The following SEMA6D variants were observed in gnomAD, a reference collection of about 807,000 sequenced individuals.
SEMA6D encodes semaphorin-6D.
In SEMA6D, 35 loss-of-function variants were observed where a neutral mutation model predicts 106.6. The ratio of observed to expected loss-of-function variants is 0.33; its 90% CI spans 0.25 to 0.44. SEMA6D has a LOEUF of 0.44. SEMA6D is among the 20% of genes least tolerant of loss of function. The pLI is 1.00. For synonymous variants in SEMA6D, 499 were observed against 487.7 expected, an observed-to-expected ratio of 1.02 and a Z score of -0.31; for missense variants, 1,185 against 1,345.9, an observed-to-expected ratio of 0.88 and a Z score of 1.87.
At chr15:47,539,433 T>C (rs1295705467) in intron 3 of SEMA6D, among the ~76,000 whole-genome samples, 1 of 152,018 alleles carries the variant, frequency 6.6e-6, no homozygotes, top group Non-Finnish European at 1.5e-5. Flanking sequence ...GTTTGTTTGT[T>C]TTGTTTTGTT....
intron 1 of SEMA6D, among the ~76,000 whole-genome samples, chr15:47,227,579 A>T (rs902427293): frequency 2.7e-5 from 4 of 146,282 alleles, no homozygotes; most frequent in East Asian, 2.0e-4. Flanking sequence ...TCACACACAC[A>T]CACACACACA....
intron 4 of SEMA6D, among the ~76,000 whole-genome samples, chr15:47,653,707 C>A (rs2077736738): frequency 6.6e-6 from 1 of 152,228 alleles, no homozygotes; most frequent in Admixed American, 6.5e-5. Flanking sequence ...CTTGCCCATG[C>A]AACAATAATG....
At chr15:47,768,859 G>C in intron 18 of SEMA6D, 111 bp downstream of exon 18, 1 of 963,096 alleles carries the variant, frequency 1.0e-6, no homozygotes, top group Non-Finnish European at 1.5e-6. Context: ...TTCTGCGGTT[G>C]TACCTCCACC....
intron 1 of SEMA6D, among the ~76,000 whole-genome samples, chr15:47,285,178 G>C (rs979739850): frequency 6.6e-6 from 1 of 152,074 alleles, no homozygotes; most frequent in African/African-American, 2.4e-5. Context: ...TAATATTGCT[G>C]AATTATTTAT....
At chr15:47,432,829 G>A (rs1272602989) in intron 2 of SEMA6D, among the ~76,000 whole-genome samples, 1 of 152,108 alleles carries the variant, frequency 6.6e-6, no homozygotes, top group African/African-American at 2.4e-5. Context: ...ATGATTAAAT[G>A]TATGTCATTT....
chr15:47,659,135 T>G (rs1323925603), intron 4 of SEMA6D, among the ~76,000 whole-genome samples: 1 of 151,996 alleles, frequency 6.6e-6, no homozygotes, highest in Admixed American at 6.6e-5. Context: ...CATGAAAAAA[T>G]TAACACATAT....
chr15:47,391,263 G>T (rs559815766), intron 1 of SEMA6D, among the ~76,000 whole-genome samples: 1 of 152,180 alleles, frequency 6.6e-6, no homozygotes, highest in South Asian at 2.1e-4. Flanking sequence ...TACTGGCAGA[G>T]CTATGGCCAA....
chr15:47,579,152 T>G (rs888547458), intron 3 of SEMA6D, among the ~76,000 whole-genome samples: 6 of 151,582 alleles, frequency 4.0e-5, no homozygotes, highest in Non-Finnish European at 7.4e-5. Context: ...TTTTTTTTTT[T>G]TTTTTTTGAG....
At chr15:47,335,866 A>G (rs926671207) in intron 1 of SEMA6D, among the ~76,000 whole-genome samples, 2 of 152,190 alleles carry the variant, frequency 1.3e-5, no homozygotes, top group African/African-American at 4.8e-5. Context: ...AGCTCTTACT[A>G]CAACACTGTG....
intron 3 of SEMA6D, among the ~76,000 whole-genome samples, chr15:47,491,382 A>G (rs1424412846): frequency 6.6e-6 from 1 of 152,216 alleles, no homozygotes; most frequent in Admixed American, 6.5e-5. Flanking sequence ...CATAATGTGC[A>G]ATGAGAAAAA....
intron 2 of SEMA6D, among the ~76,000 whole-genome samples, chr15:47,437,703 A>G (rs191782913): frequency 1.1e-4 from 16 of 152,222 alleles, no homozygotes; most frequent in Middle Eastern, 6.8e-3. Context: ...AGACCTGTGC[A>G]GCATTGATTT....
At chr15:47,228,725 G>T (rs2031984931) in intron 1 of SEMA6D, among the ~76,000 whole-genome samples, 2 of 151,962 alleles carry the variant, frequency 1.3e-5, no homozygotes, top group Admixed American at 1.3e-4. Flanking sequence ...AGAAAAGAGA[G>T]TAAAATAAAT....
At chr15:47,416,705 C>T (rs1244553625) in intron 2 of SEMA6D, among the ~76,000 whole-genome samples, 2 of 152,086 alleles carry the variant, frequency 1.3e-5, no homozygotes, top group Non-Finnish European at 2.9e-5. Context: ...CTCCTTAGGA[C>T]CCTTCCCAGG....
chr15:47,530,245 G>A (rs574649729), intron 3 of SEMA6D, among the ~76,000 whole-genome samples: 18 of 152,302 alleles, frequency 1.2e-4, no homozygotes, highest in African/African-American at 4.1e-4. Context: ...TTTAGAAATG[G>A]TGGACTTCAT....
chr15:47,438,223 T>C (rs904097191), intron 2 of SEMA6D, among the ~76,000 whole-genome samples: 1 of 152,104 alleles, frequency 6.6e-6, no homozygotes, highest in African/African-American at 2.4e-5. Context: ...GAATATATAC[T>C]GAAACCTCCC....
intron 1 of SEMA6D, among the ~76,000 whole-genome samples, chr15:47,251,324 G>A (rs531351129): frequency 2.6e-5 from 4 of 152,230 alleles, no homozygotes; most frequent in Admixed American, 6.5e-5. Flanking sequence ...TGTATCTGTC[G>A]CCATGTAAGT....
At chr15:47,303,102 A>C (rs2036086881) in intron 1 of SEMA6D, among the ~76,000 whole-genome samples, 1 of 152,232 alleles carries the variant, frequency 6.6e-6, no homozygotes, top group Non-Finnish European at 1.5e-5. Context: ...TGTGAGAAAT[A>C]GCCTTTTCTT....
intron 1 of SEMA6D, among the ~76,000 whole-genome samples, chr15:47,325,257 T>C (rs36124208): frequency 6.6e-6 from 1 of 151,538 alleles, no homozygotes; most frequent in Non-Finnish European, 1.5e-5. Context: ...CACTGCAACC[T>C]CCACCTCCCG....
intron 1 of SEMA6D, among the ~76,000 whole-genome samples, chr15:47,749,190 T>A (rs2081300869): frequency 6.6e-6 from 1 of 150,974 alleles, no homozygotes; most frequent in Non-Finnish European, 1.5e-5. Flanking sequence ...CAAGCAATTC[T>A]CCTGCCTCAG....
Sources: allele counts gnomAD v4.1 joint callset (sites outside exome capture counted in the v4.1 genomes callset), GRCh38; gene constraint gnomAD v4.1.1; transcripts MANE v1.5; gene names NCBI Gene and HGNC (gene_info 2026-07-23, HGNC 2026-07-21).